Variants in CDH13 observed in about 807,000 individuals in gnomAD.
CDH13 encodes cadherin 13.
A neutral mutation model predicts 63.8 loss-of-function variants in CDH13; 24 were observed. That is an observed-to-expected ratio of 0.38 (90% confidence interval 0.27 to 0.53). The LOEUF (loss-of-function observed/expected upper bound fraction) is 0.53. Among genes scored for constraint, CDH13 ranks in the 20% least tolerant of loss-of-function variants. The pLI is 0.85. For synonymous variants in CDH13, 503 were observed against 355.3 expected (o/e 1.42, Z -4.67); for missense variants, 1,049 against 903.1 (o/e 1.16, Z -2.07).
intron 5 of CDH13, among the ~76,000 whole-genome samples, chr16:83,226,119 C>G (rs956011609): frequency 6.6e-6 from 1 of 152,138 alleles, no homozygotes; most frequent in African/African-American, 2.4e-5. Flanking sequence ...TGTTCACAGC[C>G]CCTCCCTACC....
chr16:83,341,741 G>A (rs1002322208), intron 5 of CDH13, among the ~76,000 whole-genome samples: 2 of 151,994 alleles, frequency 1.3e-5, no homozygotes, highest in East Asian at 1.9e-4. Flanking sequence ...TACTCCATTC[G>A]GAGTTGAGCA....
chr16:83,418,035 G>C (rs2071606372), intron 6 of CDH13, among the ~76,000 whole-genome samples: 1 of 152,010 alleles, frequency 6.6e-6, no homozygotes, highest in African/African-American at 2.4e-5. Context: ...AACTCTTCCA[G>C]ACACTTTCTC....
intron 4 of CDH13, among the ~76,000 whole-genome samples, chr16:83,166,553 C>T (rs1282943132): frequency 6.6e-6 from 1 of 152,082 alleles, no homozygotes; most frequent in Admixed American, 6.6e-5. Context: ...CTTTCTGAGC[C>T]AGCTTCCATT....
chr16:82,683,277 C>G (rs575686501), intron 1 of CDH13, among the ~76,000 whole-genome samples: 1 of 152,264 alleles, frequency 6.6e-6, no homozygotes, highest in Admixed American at 6.5e-5. Flanking sequence ...AGGAACCTAG[C>G]CTTCTGGTCT....
In CDH13 at chr16:82,872,383, T is replaced by A. The variant is rs997535405; in HGVS notation, c.157+13910T>A. Among the ~76,000 whole-genome samples the A allele has an allele frequency of 2.0e-5, 3 of 152,356 alleles. No individual in the cohort carries two copies. The South Asian group carries it at 6.2e-4, about 32-fold the overall frequency. The stretch of plus-strand genomic sequence containing the variant: ...CACTTGGTTCTGGAGCTGGTATAAA[T>A]CTGTTTCATTTCTGTTTTTCTTTAA... On this transcript the variant is annotated intron_variant, in intron 2 of 13. Transcript: ENST00000567109.
chr16:83,358,625 A>G (rs1052089970), intron 6 of CDH13, among the ~76,000 whole-genome samples: 1 of 152,182 alleles, frequency 6.6e-6, no homozygotes, highest in Non-Finnish European at 1.5e-5. Context: ...AGCCCAGACT[A>G]TATGACGTTG....
chr16:82,853,992 G>A (rs2039592113), intron 1 of CDH13, among the ~76,000 whole-genome samples: 1 of 152,154 alleles, frequency 6.6e-6, no homozygotes, highest in African/African-American at 2.4e-5. Context: ...ACAGCAATGA[G>A]GGGTGCTGCT....
chr16:83,068,686 C>G (rs1003831702), intron 3 of CDH13, among the ~76,000 whole-genome samples: 1 of 152,114 alleles, frequency 6.6e-6, no homozygotes, highest in African/African-American at 2.4e-5. Context: ...ATATGCCCCA[C>G]AGCTCTGCAA....
In CDH13 at chr16:83,281,980, C is replaced by T. The variant is rs558891013; in HGVS notation, c.637-62882C>T. 4.6e-5 allele frequency among the ~76,000 whole-genome samples: 7 copies of T among 152,110 alleles called. No individual in the cohort carries two copies. The South Asian group carries it at 6.2e-4, about 14-fold the overall frequency. On this transcript the variant is annotated intron_variant, in intron 5 of 13. Transcript: ENST00000567109. ...TGTAGCTTTTGATTTAAAGTGAGGGCCATGTGTCTCTTCTTTTCACTTGAA... is the reference window on the plus strand; with the variant it reads ...TGTAGCTTTTGATTTAAAGTGAGGGTCATGTGTCTCTTCTTTTCACTTGAA...
chr16:82,931,623 G>T (rs1487126485), intron 2 of CDH13, among the ~76,000 whole-genome samples: 1 of 151,502 alleles, frequency 6.6e-6, no homozygotes. Context: ...TAAAGAAAAA[G>T]AAGTTTAATG....
At position 83,783,301 on chromosome 16, in the gene CDH13, T is replaced by G; in HGVS notation, c.1963T>G (p.Tyr655Asp). The G allele has an allele frequency of 6.2e-7, 1 of 1,613,936 alleles. No individual in the cohort carries two copies. The highest frequency in any genetic ancestry group is 8.5e-7 in the Non-Finnish European group (1 of 1,179,860). Residue 655 changes from tyrosine to aspartate, a missense_variant, in exon 13 of 14, where the codon TAC becomes GAC. Tyr to Asp is a radical substitution (Grantham distance 160). Transcript: ENST00000567109. ...SLLQNLNKAN[Y>D]NLPIMVTDSG... The stretch of plus-strand genomic sequence containing the variant: ...TCTTCAAAATCTGAACAAAGCAAAC[T>G]ACAACCTGCCCATCATGGTGACAGA...
intron 2 of CDH13, among the ~76,000 whole-genome samples, chr16:82,942,856 T>C (rs960661066): frequency 1.3e-5 from 2 of 152,184 alleles, no homozygotes; most frequent in Non-Finnish European, 2.9e-5. Flanking sequence ...GCATTGCCTG[T>C]AGGTACAAAT....
At chr16:83,216,443 T>TAAATATATATATATAC (rs1472700247) in intron 4 of CDH13, among the ~76,000 whole-genome samples, 4 of 93,420 alleles carry the variant, frequency 4.3e-5, no homozygotes, top group Non-Finnish European at 6.6e-5. Context: ...TATATATATA[T>TAAATATATATATATAC]ACACAACCCT....
chr16:83,066,980 C>T (rs1409339771), intron 3 of CDH13, among the ~76,000 whole-genome samples: 1 of 152,138 alleles, frequency 6.6e-6, no homozygotes, highest in East Asian at 1.9e-4. Flanking sequence ...AGCAATTTTT[C>T]CTGCCTCTAG....
At chr16:82,678,865 A>G (rs1215089244) in intron 1 of CDH13, among the ~76,000 whole-genome samples, 3 of 152,190 alleles carry the variant, frequency 2.0e-5, no homozygotes, top group African/African-American at 4.8e-5. Context: ...CTCTTTCATC[A>G]TCCCTGACAT....
intron 8 of CDH13, among the ~76,000 whole-genome samples, chr16:83,644,744 C>G (rs1229813380): frequency 6.6e-6 from 1 of 152,140 alleles, no homozygotes; most frequent in African/African-American, 2.4e-5. Context: ...TGGTTCACAT[C>G]AGCAGTGGGG....
At chr16:83,167,304 C>T (rs995867197) in intron 4 of CDH13, among the ~76,000 whole-genome samples, 2 of 151,620 alleles carry the variant, frequency 1.3e-5, no homozygotes, top group African/African-American at 4.8e-5. Flanking sequence ...TGAGACCAGC[C>T]TGGCCAACAT....
intron 5 of CDH13, among the ~76,000 whole-genome samples, chr16:83,242,937 C>T (rs140676447): frequency 2.6e-5 from 4 of 152,198 alleles, no homozygotes; most frequent in Non-Finnish European, 5.9e-5. Context: ...TACCATGTGT[C>T]AAAAACTATT....
intron 1 of CDH13, among the ~76,000 whole-genome samples, chr16:82,757,965 A>G (rs952450387): frequency 6.6e-6 from 1 of 152,120 alleles, no homozygotes; most frequent in African/African-American, 2.4e-5. Context: ...GCTTCTTAAA[A>G]TGTCACTATC....
Sources: allele counts gnomAD v4.1 joint callset (sites outside exome capture counted in the v4.1 genomes callset), GRCh38; gene constraint gnomAD v4.1.1; transcripts MANE v1.5; gene names NCBI Gene and HGNC (gene_info 2026-07-23, HGNC 2026-07-21).